The following ZNF148 variants were observed in gnomAD, a reference collection of about 807,000 sequenced individuals.
The protein encoded by ZNF148 is zinc finger protein 148.
A neutral mutation model predicts 67.7 loss-of-function variants in ZNF148; 7 were observed. That is an observed-to-expected ratio of 0.10 (90% CI 0.06 to 0.19). The LOEUF is 0.19. Among genes scored for constraint, ZNF148 ranks in the 10% least tolerant of loss-of-function variants. The probability of loss-of-function intolerance (pLI) is 1.00; values close to 1 mark genes in which losing one functional copy is unlikely to be tolerated. For synonymous variants in ZNF148, 333 were observed against 330.7 expected (o/e 1.01, Z -0.08); for missense variants, 583 against 947.1 (o/e 0.62, Z 5.05).
intron 3 of ZNF148, among the ~76,000 whole-genome samples, chr3:125,315,372 A>C (rs1287462390): frequency 6.6e-6 from 1 of 152,124 alleles, no homozygotes; most frequent in East Asian, 1.9e-4. Flanking sequence ...ACTTAGAAAC[A>C]ACCATTAAAT....
In ZNF148 at chr3:125,340,469, C is replaced by T. The variant is rs555208493; in HGVS notation, c.-233-9231G>A. 1.7e-4 allele frequency among the ~76,000 whole-genome samples: 26 copies of T among 152,204 alleles called. No homozygotes were observed. In the East Asian group the frequency reaches 3.9e-3, roughly 23 times the overall value. ...ACTTGCCCAAAGTTACCAGGACAGG[C>T]GAGAAAAGAAGAGACCAGTAGGTGG... On this transcript the variant is annotated intron_variant, in intron 1 of 8. Transcript: ENST00000360647.
chr3:125,239,210 C>A (rs1015398042), intron 7 of ZNF148, among the ~76,000 whole-genome samples: 2 of 152,100 alleles, frequency 1.3e-5, no homozygotes, highest in Non-Finnish European at 2.9e-5. Context: ...TGATAAACTT[C>A]ATGGTATGGT....
intron 1 of ZNF148, among the ~76,000 whole-genome samples, chr3:125,355,185 A>G (rs1942296145): frequency 6.6e-6 from 1 of 152,214 alleles, no homozygotes; most frequent in Non-Finnish European, 1.5e-5. Context: ...CATTCTAATG[A>G]CAACATTGGA....
intron 7 of ZNF148, 124 bp from the exon 8 acceptor site, chr3:125,234,453 T>A: frequency 1.5e-6 from 1 of 685,862 alleles, no homozygotes; most frequent in Non-Finnish European, 2.5e-6. Flanking sequence ...ATTTGTCAAA[T>A]ATATTTTGCT....
intron 2 of ZNF148, among the ~76,000 whole-genome samples, chr3:125,329,947 T>C (rs1221245339): frequency 1.3e-5 from 2 of 152,158 alleles, no homozygotes; most frequent in Admixed American, 6.5e-5. Context: ...ATAGAAATTG[T>C]CTGGAAGGAT....
At position 125,249,216 on chromosome 3, in the gene ZNF148, A is replaced by C. The variant is rs140951296; in HGVS notation, c.668-14887T>G. Among the ~76,000 whole-genome samples the C allele has an allele frequency of 2.0e-4, 30 of 152,330 alleles. 1 individual carries two copies. The East Asian group carries it at 4.8e-3, about 24-fold the overall frequency. ...CTGAAAAGTTTCAACATGCTCAACA[A>C]AATGAAAAGATAACCTATGGAATGG... On this transcript the variant is annotated intron_variant, in intron 7 of 8. Coordinates refer to ENST00000360647, the MANE Select transcript of ZNF148 (RefSeq NM_021964.3).
chr3:125,240,315 G>A (rs1293319929), intron 7 of ZNF148, among the ~76,000 whole-genome samples: 2 of 152,002 alleles, frequency 1.3e-5, no homozygotes, highest in African/African-American at 2.4e-5. Flanking sequence ...CTAACATGGC[G>A]AAACACCCCC....
chr3:125,343,444 GATT>G (rs1941813411), intron 1 of ZNF148, among the ~76,000 whole-genome samples: 1 of 23,060 alleles, frequency 4.3e-5, no homozygotes, highest in African/African-American at 2.5e-4. Context: ...CTAGCAAGGG[GATT>G]GTAAAATGCA....
At chr3:125,244,422 T>C (rs567198345) in intron 7 of ZNF148, among the ~76,000 whole-genome samples, 67 of 152,288 alleles carry the variant, frequency 4.4e-4, no homozygotes, top group African/African-American at 1.6e-3. Flanking sequence ...GCTGCTGCAA[T>C]GACCCACCAT....
chr3:125,300,334 T>C (rs930638945), intron 4 of ZNF148, among the ~76,000 whole-genome samples: 1 of 152,102 alleles, frequency 6.6e-6, no homozygotes, highest in African/African-American at 2.4e-5. Context: ...ATGCAATCAC[T>C]TCAAAAGGTA....
intron 7 of ZNF148, among the ~76,000 whole-genome samples, chr3:125,257,263 T>C (rs1265801631): frequency 6.6e-6 from 1 of 151,994 alleles, no homozygotes; most frequent in Non-Finnish European, 1.5e-5. Context: ...TCTTTTAAAA[T>C]AGGTTTGGCC....
chr3:125,355,072 G>A (rs1942291858), intron 1 of ZNF148, among the ~76,000 whole-genome samples: 1 of 152,120 alleles, frequency 6.6e-6, no homozygotes, highest in Non-Finnish European at 1.5e-5. Flanking sequence ...ATAACTCAAT[G>A]TCTTCATCTA....
intron 7 of ZNF148, among the ~76,000 whole-genome samples, chr3:125,241,114 T>C (rs911908348): frequency 3.9e-5 from 6 of 152,122 alleles, no homozygotes; most frequent in Admixed American, 3.9e-4. Flanking sequence ...CCATTCTAGA[T>C]ATTTTTAAAA....
At chr3:125,313,716 T>C in intron 3 of ZNF148, 60 bp from the exon 4 acceptor site, 1 of 1,316,804 alleles carries the variant, frequency 7.6e-7, no homozygotes, top group South Asian at 1.5e-5. Flanking sequence ...CTACTTCATT[T>C]TAAATTTTCA....
At chr3:125,303,192 T>C (rs550262822) in intron 4 of ZNF148, among the ~76,000 whole-genome samples, 10 of 152,248 alleles carry the variant, frequency 6.6e-5, no homozygotes, top group African/African-American at 2.4e-4. Flanking sequence ...AGATTAAGGA[T>C]ATTCAGGGGT....
intron 2 of ZNF148, 106 bp from the exon 3 acceptor site, chr3:125,323,550 T>C (rs1940877256): frequency 6.0e-6 from 3 of 502,052 alleles, no homozygotes; most frequent in Non-Finnish European, 1.0e-5. Flanking sequence ...AAATTCTTTC[T>C]AAATACAGTA....
chr3:125,373,097 G>A (rs1942943761), intron 1 of ZNF148, among the ~76,000 whole-genome samples: 1 of 150,934 alleles, frequency 6.6e-6, no homozygotes, highest in African/African-American at 2.4e-5. Context: ...AGGGAAGGAA[G>A]ACTAGCCTTC....
chr3:125,259,345 C>T (rs1409212189), intron 7 of ZNF148, among the ~76,000 whole-genome samples: 1 of 152,116 alleles, frequency 6.6e-6, no homozygotes, highest in Non-Finnish European at 1.5e-5. Context: ...TGAAATATAG[C>T]AGTGCCAAGT....
At chr3:125,319,299 G>A (rs1470528663) in intron 3 of ZNF148, among the ~76,000 whole-genome samples, 2 of 152,024 alleles carry the variant, frequency 1.3e-5, no homozygotes, top group African/African-American at 2.4e-5. Context: ...GTTTTCGGTC[G>A]GGGCTTTTAA....
Sources: allele counts gnomAD v4.1 joint callset (sites outside exome capture counted in the v4.1 genomes callset), GRCh38; gene constraint gnomAD v4.1.1; transcripts MANE v1.5; gene names NCBI Gene and HGNC (gene_info 2026-07-23, HGNC 2026-07-21).